Variants in SLC39A9 observed in about 807,000 individuals in gnomAD.
The protein encoded by SLC39A9 is zinc transporter ZIP9.
SLC39A9 carries 14 observed loss-of-function variants against 28.4 expected under a neutral mutation model. The observed-to-expected ratio is 0.49, with a 90% CI of 0.33 to 0.77. The LOEUF (loss-of-function observed/expected upper bound fraction) is 0.77, where lower values mean the gene tolerates loss of function less well. SLC39A9 is among the 30% of genes least tolerant of loss of function. SLC39A9 has a pLI of 0.02. For synonymous variants in SLC39A9, 119 were observed against 149.6 expected (o/e 0.80, Z 1.49); for missense variants, 283 against 381.1 (o/e 0.74, Z 2.14).
chr14:69,445,082 T>C lies in SLC39A9; in HGVS notation c.403+2816T>C, dbSNP rs138089855. Among the ~76,000 whole-genome samples, 187 of 151,876 alleles carry C rather than the reference T, an allele frequency of 1.2e-3. 5 individuals are homozygous for C. The East Asian group carries it at 0.034, about 28-fold the overall frequency. On this transcript the variant is annotated intron_variant, in intron 3 of 6. Coordinates refer to ENST00000336643, the MANE Select transcript of SLC39A9 (RefSeq NM_018375.5). ...AAAAAAGCAAAAAATGTAATGATCA[T>C]CTAGCATATACTATGTTTTATGTAA... is the stretch of plus-strand genomic sequence containing the variant.
chr14:69,399,269 A>T lies in SLC39A9; in HGVS notation c.-101A>T. The T allele has an allele frequency of 2.0e-6, 2 of 1,003,308 alleles. No homozygotes were observed. The highest frequency in any genetic ancestry group is 3.1e-6 in the Non-Finnish European group (2 of 654,396). The allele number at this position is 1,003,308 out of a possible 1,614,324, so 62.2% of individuals were successfully genotyped here. On this transcript the variant is annotated 5_prime_UTR_variant, in exon 1 of 7. Coordinates refer to ENST00000336643, the MANE Select transcript of SLC39A9 (RefSeq NM_018375.5). ...GAAGGCCTAAAGAACTGGAAAGCCC[A>T]CTCTCTTGGAACCACCACACCTGTT...
At chr14:69,457,400 A>G (rs558911010) in intron 6 of SLC39A9, among the ~76,000 whole-genome samples, 1 of 151,988 alleles carries the variant, frequency 6.6e-6, no homozygotes, top group Non-Finnish European at 1.5e-5. Flanking sequence ...ACAGGGTTTC[A>G]CCATGTTGGC....
At chr14:69,402,974 C>CAGG (rs1882718944) in intron 1 of SLC39A9, among the ~76,000 whole-genome samples, 1 of 152,082 alleles carries the variant, frequency 6.6e-6, no homozygotes, top group Non-Finnish European at 1.5e-5. Context: ...CCCAGCTACT[C>CAGG]AGGAGGCTGA....
intron 2 of SLC39A9, among the ~76,000 whole-genome samples, chr14:69,430,251 T>C (rs1884419418): frequency 6.6e-6 from 1 of 152,226 alleles, no homozygotes; most frequent in South Asian, 2.1e-4. Flanking sequence ...TGGTGTCATA[T>C]CTAAAACCCC....
chr14:69,426,714 G>A (rs570572652), intron 2 of SLC39A9, among the ~76,000 whole-genome samples: 6 of 148,872 alleles, frequency 4.0e-5, no homozygotes, highest in Admixed American at 2.7e-4. Context: ...TGAAAAGAGG[G>A]CAGGAGAAGG....
At chr14:69,422,853 C>A (rs760509299) in intron 1 of SLC39A9, among the ~76,000 whole-genome samples, 4 of 152,002 alleles carry the variant, frequency 2.6e-5, no homozygotes, top group Non-Finnish European at 5.9e-5. Flanking sequence ...TTTTTAAGAT[C>A]ATTTTTCATA....
intron 1 of SLC39A9, among the ~76,000 whole-genome samples, chr14:69,421,000 T>A (rs1177614367): frequency 2.6e-5 from 4 of 152,242 alleles, no homozygotes; most frequent in Non-Finnish European, 5.9e-5. Flanking sequence ...TTCTGTCAAC[T>A]TGTCAAAGGA....
intron 1 of SLC39A9, among the ~76,000 whole-genome samples, chr14:69,408,927 G>A (rs1594902049): frequency 6.6e-6 from 1 of 152,160 alleles, no homozygotes; most frequent in African/African-American, 2.4e-5. Context: ...TTTGACTATA[G>A]TATAATAATT....
intron 1 of SLC39A9, among the ~76,000 whole-genome samples, chr14:69,408,259 C>G (rs1189044870): frequency 6.6e-6 from 1 of 151,874 alleles, no homozygotes; most frequent in Non-Finnish European, 1.5e-5. Flanking sequence ...TTGATCAGCC[C>G]GCCTTGGCCT....
chr14:69,430,628 C>CTTTTTTTTTTTTTTTTTT (rs71446389), intron 2 of SLC39A9, among the ~76,000 whole-genome samples: 1 of 137,748 alleles, frequency 7.3e-6, no homozygotes. Context: ...ATTTTTCTTT[C>CTTTTTTTTTTTTTTTTTT]TTTTTTTTTT....
rs114379071 is a variant in SLC39A9 at position 69,444,448 on chromosome 14, A to G, written c.403+2182A>G. The stretch of plus-strand genomic sequence containing the variant: ...TTCAATTTCACTTGAATACAAGTCA[A>G]AGCTATGCTGAGATACCGTTTCTTA... On this transcript the variant is annotated intron_variant, in intron 3 of 6. Transcript: ENST00000336643. Among the ~76,000 whole-genome samples, 449 of 152,314 alleles carry G rather than the reference A, an allele frequency of 2.9e-3. 3 individuals are homozygous for G. Among genetic ancestry groups the G allele is most frequent in the African/African-American group, 0.01 (434 of 41,568 alleles).
intron 1 of SLC39A9, among the ~76,000 whole-genome samples, chr14:69,423,834 G>A (rs970010288): frequency 1.3e-5 from 2 of 151,502 alleles, no homozygotes; most frequent in Non-Finnish European, 2.9e-5. Flanking sequence ...GGAGGCGAAG[G>A]CTGCAGTGAG....
intron 6 of SLC39A9, among the ~76,000 whole-genome samples, chr14:69,457,554 A>G (rs940247252): frequency 6.6e-6 from 1 of 151,816 alleles, no homozygotes; most frequent in South Asian, 2.1e-4. Context: ...CTTGATTACC[A>G]CTGTATCTCA....
chr14:69,420,665 A>G (rs1488051560), intron 1 of SLC39A9, among the ~76,000 whole-genome samples: 1 of 152,196 alleles, frequency 6.6e-6, no homozygotes, highest in Non-Finnish European at 1.5e-5. Flanking sequence ...CTTTTCACAT[A>G]GTCCCATATT....
chr14:69,412,161 G>A (rs868824031), intron 1 of SLC39A9, among the ~76,000 whole-genome samples: 42 of 151,632 alleles, frequency 2.8e-4, no homozygotes, highest in Admixed American at 5.9e-4. Context: ...AGGCCGAGGC[G>A]GGTGGATCAC....
At chr14:69,413,083 G>A (rs556703150) in intron 1 of SLC39A9, among the ~76,000 whole-genome samples, 18 of 152,236 alleles carry the variant, frequency 1.2e-4, no homozygotes, top group African/African-American at 3.6e-4. Flanking sequence ...TCGGCCAGGC[G>A]CAGTGGCTCA....
chr14:69,456,877 T>TATCA, intron 6 of SLC39A9, among the ~76,000 whole-genome samples: 1 of 152,326 alleles, frequency 6.6e-6, no homozygotes, highest in East Asian at 1.9e-4. Context: ...GGTTTGTTGA[T>TATCA]CTTAGATGCT....
chr14:69,401,925 A>G (rs1882656719), intron 1 of SLC39A9, among the ~76,000 whole-genome samples: 1 of 152,216 alleles, frequency 6.6e-6, no homozygotes, highest in Non-Finnish European at 1.5e-5. Context: ...TGCCATTATT[A>G]TGGACCAATG....
intron 1 of SLC39A9, among the ~76,000 whole-genome samples, chr14:69,406,100 T>C (rs1435288021): frequency 6.6e-6 from 1 of 152,216 alleles, no homozygotes; most frequent in Non-Finnish European, 1.5e-5. Context: ...GAAAATAGGA[T>C]CTACCTAAAT....
Sources: allele counts gnomAD v4.1 joint callset (sites outside exome capture counted in the v4.1 genomes callset), GRCh38; gene constraint gnomAD v4.1.1; transcripts MANE v1.5; gene names NCBI Gene and HGNC (gene_info 2026-07-23, HGNC 2026-07-21).